SEMA4D: variants seen among roughly 807,000 people sequenced by gnomAD.
SEMA4D encodes the protein semaphorin 4D.
In SEMA4D, 22 loss-of-function variants were observed where a neutral mutation model predicts 74.8. The ratio of observed to expected loss-of-function variants is 0.29; its 90% CI spans 0.21 to 0.42. The LOEUF (loss-of-function observed/expected upper bound fraction) is 0.42, where lower values mean the gene tolerates loss of function less well. Ranked by LOEUF, SEMA4D falls within the 10% of genes least tolerant of loss-of-function variation. SEMA4D has a pLI of 1.00. For missense variants in SEMA4D, 937 were observed against 1,118.4 expected (o/e 0.84, Z 2.31); for synonymous variants, 445 against 463.7 (o/e 0.96, Z 0.52).
chr9:89,377,438 T>G lies in SEMA4D; in HGVS notation c.*1266A>C. The G allele has an allele frequency of 6.1e-6, 1 of 162,888 alleles. No individual in the cohort carries two copies. Among genetic ancestry groups the G allele is most frequent in the Non-Finnish European group, 1.3e-5 (1 of 75,122 alleles). 10.1% of individuals were successfully genotyped at this position (162,888 alleles called of 1,614,324 possible). On this transcript the variant is annotated 3_prime_UTR_variant, in exon 16 of 16. Coordinates refer to ENST00000422704, the MANE Select transcript of SEMA4D (RefSeq NM_001371194.2). Reference sequence around the variant, plus strand: ...CTCTTCACCATGGAAAAAAAGTCTCTTCCCGATGGGTATTTACAAAGCGGG... The same window carrying G: ...CTCTTCACCATGGAAAAAAAGTCTCGTCCCGATGGGTATTTACAAAGCGGG...
intron 16 of SEMA4D, among the ~76,000 whole-genome samples, chr9:89,371,763 TGG>T (rs1453099876): frequency 8.2e-5 from 4 of 48,808 alleles, no homozygotes; most frequent in East Asian, 6.7e-4. Flanking sequence ...GGTGTGTGTG[TGG>T]GGGGTGTGGT....
Position 89,402,895 on chromosome 9 carries a change from G to T in SEMA4D, c.228C>A (p.Leu76=). The part of the protein sequence containing the change: ...AREAVFAVNA[L]NISEKQHEVY... ...CCTCATGCTGCTTCTCGGAGATGTT[G>T]AGTGCGTTCACAGCGAAGACCGCCT... is the stretch of plus-strand genomic sequence containing the variant. The change falls in exon 4 of 16, where the codon CTC becomes CTA. Residue 76 remains leucine (L), a synonymous_variant. Coordinates refer to ENST00000422704, the MANE Select transcript of SEMA4D (RefSeq NM_001371194.2). 1 of 1,614,024 alleles carries T rather than the reference G, an allele frequency of 6.2e-7. No individual in the cohort carries two copies. The highest frequency in any genetic ancestry group is 1.1e-5 in the South Asian group (1 of 91,084).
chr9:89,385,616 A>C, intron 13 of SEMA4D: 1 of 961,430 alleles, frequency 1.0e-6, no homozygotes, highest in Non-Finnish European at 1.2e-6. Flanking sequence ...GTGACCACGT[A>C]AAAGGACCCA....
At chr9:89,450,193 A>G in intron 2 of SEMA4D, 1 of 1,289,664 alleles carries the variant, frequency 7.8e-7, no homozygotes, top group Non-Finnish European at 1.1e-6. Context: ...CAGAAGAAGG[A>G]CCATGAAAAA....
At chr9:89,482,622 T>C (rs1207082436) in intron 1 of SEMA4D, among the ~76,000 whole-genome samples, 1 of 152,150 alleles carries the variant, frequency 6.6e-6, no homozygotes, top group African/African-American at 2.4e-5. Context: ...CCTGACACAA[T>C]TCATGAATAA....
intron 9 of SEMA4D, among the ~76,000 whole-genome samples, chr9:89,389,801 T>TC (rs1200104792): frequency 6.7e-6 from 1 of 149,978 alleles, no homozygotes; most frequent in Non-Finnish European, 1.5e-5. Context: ...GCCCAAATTC[T>TC]CTTTTTGATA....
rs1321119962 is a variant in SEMA4D at position 89,378,001 on chromosome 9, T to C, written c.*703A>G. On this transcript the variant is annotated 3_prime_UTR_variant, in exon 16 of 16. Coordinates refer to ENST00000422704, the MANE Select transcript of SEMA4D (RefSeq NM_001371194.2). ...AAAAAAGAAAAAGAAAAAAGGTGAG[T>C]GGGCTCCGGGGAGTGTTTATGTCTA... is the stretch of plus-strand genomic sequence containing the variant. The C allele has an allele frequency of 6.7e-6, 1 of 148,904 alleles. No individual in the cohort carries two copies. Among genetic ancestry groups the C allele is most frequent in the Non-Finnish European group, 1.5e-5 (1 of 67,330 alleles). 9.2% of individuals were successfully genotyped at this position (148,904 alleles called of 1,614,324 possible).
chr9:89,445,739 C>T (rs984475368), intron 2 of SEMA4D, among the ~76,000 whole-genome samples: 7 of 152,160 alleles, frequency 4.6e-5, no homozygotes, highest in Admixed American at 2.0e-4. Flanking sequence ...CTTGGGAAGC[C>T]GGGTCTTTTT....
intron 16 of SEMA4D, among the ~76,000 whole-genome samples, chr9:89,366,623 A>G (rs984828891): frequency 6.6e-6 from 1 of 152,244 alleles, no homozygotes; most frequent in African/African-American, 2.4e-5. Context: ...ATAAGTACAT[A>G]TTACATAGAT....
intron 2 of SEMA4D, among the ~76,000 whole-genome samples, chr9:89,441,275 C>T (rs552976257): frequency 3.8e-4 from 58 of 152,386 alleles, no homozygotes; most frequent in Admixed American, 3.3e-3. Context: ...AGGACTCGGC[C>T]GGGCGGCACT....
chr9:89,429,862 G>A (rs75848269), intron 2 of SEMA4D, among the ~76,000 whole-genome samples: 153 of 152,298 alleles, frequency 1.0e-3, no homozygotes, highest in African/African-American at 3.5e-3. Flanking sequence ...ATGGTGGATG[G>A]AGTGGCCAGT....
chr9:89,418,357 C>T (rs1587733645), intron 2 of SEMA4D: 6 of 984,994 alleles, frequency 6.1e-6, no homozygotes, highest in South Asian at 4.7e-5. Context: ...CAGCCCAGCC[C>T]GTTACCTGGT....
chr9:89,364,190 C>A, intron 16 of SEMA4D: 1 of 748,052 alleles, frequency 1.3e-6, no homozygotes, highest in Non-Finnish European at 2.1e-6. Flanking sequence ...TTTTTCAAAG[C>A]ACACCTGTGT....
downstream of SEMA4D, chr9:89,377,189 G>T (rs1835925891): frequency 7.4e-7 from 1 of 1,343,146 alleles, no homozygotes; most frequent in African/African-American, 1.5e-5. Flanking sequence ...GGGCCATGCA[G>T]GGGCGGGAGG....
rs939847845 is a variant in SEMA4D, at chr9:89,492,742, C to T, written c.-310+5177G>A. Among the ~76,000 whole-genome samples the T allele has an allele frequency of 6.6e-6, 1 of 152,264 alleles. No homozygotes were observed. Among genetic ancestry groups the T allele is most frequent in the East Asian group, 1.9e-4 (1 of 5,176 alleles). The stretch of plus-strand genomic sequence containing the variant: ...ATCACAGTCCTGTTGGCTCCGTCTT[C>T]GCAGAACACCTGCAATCAGCCTGCC... On this transcript the variant is annotated intron_variant, in intron 1 of 15. Transcript: ENST00000422704. The surrounding 1 kb of genome is among the most constrained non-coding windows in gnomAD (Gnocchi z 4.3).
chr9:89,407,723 AACTGCTCCTC>A (rs890798634), intron 2 of SEMA4D, among the ~76,000 whole-genome samples: 1 of 152,114 alleles, frequency 6.6e-6, no homozygotes, highest in African/African-American at 2.4e-5. Flanking sequence ...ACCTCCATCC[AACTGCTCCTC>A]ATCCACACTC....
chr9:89,479,305 T>C (rs1260950606), intron 1 of SEMA4D, among the ~76,000 whole-genome samples: 2 of 152,210 alleles, frequency 1.3e-5, no homozygotes, highest in Admixed American at 1.3e-4. Context: ...TGCATCTCAG[T>C]GGCAGCAATG....
intron 1 of SEMA4D, among the ~76,000 whole-genome samples, chr9:89,468,567 T>G (rs1859343484): frequency 6.6e-6 from 1 of 152,128 alleles, no homozygotes; most frequent in Non-Finnish European, 1.5e-5. Context: ...TTTTCTTGGG[T>G]TTTTCAAACA....
At position 89,395,003 on chromosome 9, in the gene SEMA4D, T is replaced by C. The variant is rs117957917; in HGVS notation, c.415-1348A>G. 2.4e-3 allele frequency among the ~76,000 whole-genome samples: 372 copies of C among 152,310 alleles called. 12 individuals carry two copies. In the East Asian group the frequency reaches 0.063, roughly 26 times the overall value. On this transcript the variant is annotated intron_variant, in intron 6 of 15. Coordinates refer to ENST00000422704, the MANE Select transcript of SEMA4D (RefSeq NM_001371194.2). ...GCACACATATGTACACAGACACACA[T>C]GTGGACACATAGACATGCACAGGCA...
Sources: allele counts gnomAD v4.1 joint callset (sites outside exome capture counted in the v4.1 genomes callset), GRCh38; gene constraint gnomAD v4.1.1; non-coding constraint Gnocchi (gnomAD v3.1); transcripts MANE v1.5; gene names NCBI Gene and HGNC (gene_info 2026-07-23, HGNC 2026-07-21).